Variants in CEP89 observed in about 807,000 individuals in gnomAD.
CEP89 encodes centrosomal protein 89, also known as centrosomal protein of 89 kDa.
A neutral mutation model predicts 97.6 loss-of-function variants in CEP89; 95 were observed. The ratio of observed to expected loss-of-function variants is 0.97; its 90% CI spans 0.82 to 1.15. CEP89 has a LOEUF of 1.15. CEP89 is among the 50% of genes most tolerant of loss of function. The probability of loss-of-function intolerance (pLI) is 0.00; values close to 1 mark genes in which losing one functional copy is unlikely to be tolerated. For missense variants in CEP89, 869 were observed against 947.7 expected (o/e 0.92, Z 1.09); for synonymous variants, 354 against 349.1 (o/e 1.01, Z -0.16).
intron 18 of CEP89, among the ~76,000 whole-genome samples, chr19:32,881,640 G>A (rs11880367): frequency 0.081 from 12,398 of 152,272 alleles, 1,580 homozygotes; most frequent in African/African-American, 0.27. Context: ...CGGAAGTCCA[G>A]TTCAAACAAG....
intron 9 of CEP89, among the ~76,000 whole-genome samples, chr19:32,927,672 A>T (rs1284963772): frequency 6.6e-6 from 1 of 151,612 alleles, no homozygotes; most frequent in Non-Finnish European, 1.5e-5. Context: ...TGGTGAGATC[A>T]TGGCTCACTG....
At chr19:32,890,323 C>A (rs1969485972) in intron 16 of CEP89, among the ~76,000 whole-genome samples, 1 of 152,110 alleles carries the variant, frequency 6.6e-6, no homozygotes, top group Non-Finnish European at 1.5e-5. Context: ...TCACTTGAAC[C>A]CAGGAGGCGG....
chr19:32,935,442 G>A (rs1248229654), intron 7 of CEP89, among the ~76,000 whole-genome samples: 2 of 152,160 alleles, frequency 1.3e-5, no homozygotes, highest in South Asian at 2.1e-4. Flanking sequence ...TCAGAGAGAC[G>A]TAGTCAGTGT....
intron 4 of CEP89, among the ~76,000 whole-genome samples, chr19:32,949,060 G>C (rs899217865): frequency 6.6e-6 from 1 of 152,140 alleles, no homozygotes; most frequent in Non-Finnish European, 1.5e-5. Context: ...GACAAGCAGT[G>C]CTGACCTCCC....
intron 13 of CEP89, among the ~76,000 whole-genome samples, chr19:32,916,735 G>T (rs549222679): frequency 6.6e-6 from 1 of 152,260 alleles, no homozygotes; most frequent in African/African-American, 2.4e-5. Flanking sequence ...TGGTGGCTGG[G>T]CACAGTGGCT....
In CEP89 at chr19:32,953,747, T is replaced by G; in HGVS notation, c.360A>C (p.Thr120=). The part of the protein sequence containing the change: ...GRRSSLPSFE[T]LDYGDEEDIE... ...TGTCCTCTTCGTCCCCATAGTCCAG[T>G]GTTTCAAAGGATGGCAAAGAAGATC... is the stretch of plus-strand genomic sequence containing the variant. Residue 120 remains threonine, a synonymous_variant, in exon 4 of 19, where the codon ACA becomes ACC. Transcript: ENST00000305768. The G allele has an allele frequency of 1.2e-6, 2 of 1,614,090 alleles. No individual in the cohort carries two copies. The highest frequency in any genetic ancestry group is 1.7e-6 in the Non-Finnish European group (2 of 1,179,992).
intron 17 of CEP89, among the ~76,000 whole-genome samples, chr19:32,884,845 G>T (rs982775526): frequency 6.6e-6 from 1 of 151,908 alleles, no homozygotes; most frequent in Non-Finnish European, 1.5e-5. Context: ...TTATAGGCAC[G>T]TGCCACTCTG....
At chr19:32,969,897 TGCA>T (rs1423062125) in intron 1 of CEP89, 1 of 152,290 alleles carries the variant, frequency 6.6e-6, no homozygotes, top group African/African-American at 2.4e-5. Flanking sequence ...GGCCTGGGTC[TGCA>T]GCAGCGGTTT....
At chr19:32,887,312 G>A (rs1404170284) in intron 17 of CEP89, among the ~76,000 whole-genome samples, 2 of 151,666 alleles carry the variant, frequency 1.3e-5, no homozygotes, top group African/African-American at 4.8e-5. Flanking sequence ...TGAACTCCTG[G>A]GCTCAATGGA....
chr19:32,909,789 G>A (rs895497289), intron 14 of CEP89, among the ~76,000 whole-genome samples: 14 of 152,174 alleles, frequency 9.2e-5, no homozygotes, highest in African/African-American at 2.4e-5. Context: ...TCCAGCCTTA[G>A]GTCATCAGGA....
intron 7 of CEP89, among the ~76,000 whole-genome samples, chr19:32,934,839 C>T (rs980365935): frequency 6.6e-6 from 1 of 152,070 alleles, no homozygotes; most frequent in Admixed American, 6.6e-5. Flanking sequence ...GAGGCTGGGC[C>T]TGGTGGCTCG....
At chr19:32,889,914 A>G (rs759600907) in intron 16 of CEP89, among the ~76,000 whole-genome samples, 11 of 152,094 alleles carry the variant, frequency 7.2e-5, no homozygotes, top group Non-Finnish European at 1.5e-4. Context: ...TGGGCACTTA[A>G]TGCTACCACA....
chr19:32,944,164 C>T (rs111313911), intron 5 of CEP89, among the ~76,000 whole-genome samples: 5,406 of 137,912 alleles, frequency 0.039, 159 homozygotes, highest in Non-Finnish European at 0.055. Context: ...GTTGAGGTTG[C>T]AGTAAGCCAT....
intron 5 of CEP89, among the ~76,000 whole-genome samples, chr19:32,944,070 T>A (rs997798785): frequency 1.3e-5 from 2 of 151,362 alleles, no homozygotes; most frequent in African/African-American, 4.9e-5. Context: ...TCTAACAAAA[T>A]ACAAAAATTA....
chr19:32,941,857 T>G (rs1480974411), intron 5 of CEP89, among the ~76,000 whole-genome samples: 1 of 152,212 alleles, frequency 6.6e-6, no homozygotes, highest in Non-Finnish European at 1.5e-5. Context: ...CTATCATCTC[T>G]GACACACGGC....
chr19:32,916,412 C>T (rs937513469), intron 13 of CEP89, among the ~76,000 whole-genome samples: 1 of 152,194 alleles, frequency 6.6e-6, no homozygotes, highest in Admixed American at 6.5e-5. Flanking sequence ...AACTGACTTT[C>T]CTAAGAGTAA....
intron 17 of CEP89, among the ~76,000 whole-genome samples, chr19:32,884,223 T>C (rs1969346742): frequency 6.6e-6 from 1 of 152,232 alleles, no homozygotes; most frequent in Admixed American, 6.5e-5. Flanking sequence ...TGGTCTGAAT[T>C]CTATCTTGGC....
At chr19:32,913,467 TA>T (rs1332304338) in intron 14 of CEP89, among the ~76,000 whole-genome samples, 1 of 151,802 alleles carries the variant, frequency 6.6e-6, no homozygotes, top group Non-Finnish European at 1.5e-5. Context: ...TACACGCACA[TA>T]CACATGTAAT....
chr19:32,971,597 C>T, intron 1 of CEP89: 1 of 588,332 alleles, frequency 1.7e-6, no homozygotes, highest in South Asian at 2.1e-5. Flanking sequence ...TTCGAGGATG[C>T]AGTGAGCTAT....
Sources: allele counts gnomAD v4.1 joint callset (sites outside exome capture counted in the v4.1 genomes callset), GRCh38; gene constraint gnomAD v4.1.1; transcripts MANE v1.5; gene names NCBI Gene and HGNC (gene_info 2026-07-23, HGNC 2026-07-21).